Variants in SOD2 observed in about 807,000 individuals in gnomAD.
The protein encoded by SOD2 is superoxide dismutase 2.
In SOD2, 11 loss-of-function variants were observed where a neutral mutation model predicts 27.0. That is an observed-to-expected ratio of 0.41 (90% CI 0.26 to 0.67). SOD2 has a LOEUF of 0.67. SOD2 is among the 30% of genes least tolerant of loss of function. The probability of loss-of-function intolerance (pLI) is 0.34; values close to 1 mark genes in which losing one functional copy is unlikely to be tolerated. For synonymous variants in SOD2, 105 were observed against 103.0 expected, an observed-to-expected ratio of 1.02 and a Z score of -0.12; for missense variants, 250 against 274.5, an observed-to-expected ratio of 0.91 and a Z score of 0.63.
chr6:159,692,469 C>G, intron 2 of SOD2, 192 bp downstream of exon 2: 1 of 1,441,224 alleles, frequency 6.9e-7, no homozygotes, highest in South Asian at 1.5e-5. Context: ...TGTGTTCAAA[C>G]CCATCGAGGC....
intron 1 of SOD2, chr6:159,713,677 T>C: frequency 3.2e-6 from 3 of 939,480 alleles, no homozygotes; most frequent in Admixed American, 3.7e-5. Context: ...TCGTTGGCAG[T>C]ATCAGGACTA....
chr6:159,742,314 C>T (rs1052530676), intron 1 of SOD2, among the ~76,000 whole-genome samples: 1 of 152,154 alleles, frequency 6.6e-6, no homozygotes, highest in African/African-American at 2.4e-5. Context: ...ATGAATGAGA[C>T]ACAGTCTCAG....
chr6:159,730,494 G>T (rs946919551), upstream of SOD2, among the ~76,000 whole-genome samples: 2 of 152,036 alleles, frequency 1.3e-5, no homozygotes, highest in Non-Finnish European at 2.9e-5. Flanking sequence ...ACATTCGTGT[G>T]GTGTGAAAGT....
chr6:159,729,876 C>G (rs1165183843), upstream of SOD2, among the ~76,000 whole-genome samples: 1 of 152,160 alleles, frequency 6.6e-6, no homozygotes, highest in East Asian at 1.9e-4. Flanking sequence ...AACTGAGTTA[C>G]CTAACTTTAT....
At chr6:159,740,684 GT>G (rs1030103788) in intron 1 of SOD2, among the ~76,000 whole-genome samples, 112 of 142,542 alleles carry the variant, frequency 7.9e-4, no homozygotes, top group East Asian at 5.7e-3. Context: ...TATTAGGAAG[GT>G]TTTTTTTTTT....
intron 1 of SOD2, among the ~76,000 whole-genome samples, chr6:159,750,842 A>G (rs569141380): frequency 0.012 from 797 of 63,986 alleles, 5 homozygotes; most frequent in African/African-American, 0.033. Flanking sequence ...GGCTCAGGCA[A>G]TCCCGTCTGG....
At chr6:159,759,399 C>T (rs149476386) in intron 1 of SOD2, among the ~76,000 whole-genome samples, 2,826 of 142,612 alleles carry the variant, frequency 0.02, 106 homozygotes, top group African/African-American at 0.067. Flanking sequence ...TGGCCGGGCG[C>T]GGTGGCTCAC....
At chr6:159,693,653 G>A (rs993789822), upstream of SOD2, among the ~76,000 whole-genome samples, 4 of 152,200 alleles carry the variant, frequency 2.6e-5, no homozygotes, top group Non-Finnish European at 1.5e-5. Context: ...TGGTTGCGCT[G>A]CCGGGGGGCC....
exon 1 of SOD2, chr6:159,761,704 A>C: frequency 2.7e-6 from 1 of 375,436 alleles, no homozygotes; most frequent in South Asian, 1.9e-5. Context: ...AGATTTTTTA[A>C]AAAAAAGCCC....
upstream of SOD2, chr6:159,727,814 C>A (rs1389812892): frequency 1.3e-5 from 10 of 770,818 alleles, no homozygotes; most frequent in Non-Finnish European, 1.6e-5. Flanking sequence ...AAAGGCCACA[C>A]GGGCCTGGTG....
chr6:159,682,740 C>A, intron 4 of SOD2, 102 bp from the exon 5 acceptor site: 1 of 1,131,572 alleles, frequency 8.8e-7, no homozygotes, highest in Non-Finnish European at 1.2e-6. Context: ...CAAAATTACC[C>A]TTTGTAACAA....
At chr6:159,693,542 G>A (rs538712272), upstream of SOD2, among the ~76,000 whole-genome samples, 1 of 152,324 alleles carries the variant, frequency 6.6e-6, no homozygotes, top group East Asian at 1.9e-4. Flanking sequence ...CTGCCCCCGT[G>A]GAGTTGGTAC....
At chr6:159,728,296 C>T (rs764723471), upstream of SOD2, among the ~76,000 whole-genome samples, 19 of 151,956 alleles carry the variant, frequency 1.3e-4, no homozygotes, top group Non-Finnish European at 2.2e-4. Context: ...TTTCATAAGT[C>T]TGTGTACACG....
chr6:159,755,760 C>CTTTTTTT (rs1779984995), intron 1 of SOD2: 6 of 283,704 alleles, frequency 2.1e-5, no homozygotes, highest in African/African-American at 1.0e-4. Context: ...TTTTTTTTTT[C>CTTTTTTT]TTTTCTTTTT....
upstream of SOD2, chr6:159,727,540 C>T (rs1292237688): frequency 1.0e-6 from 1 of 991,128 alleles, no homozygotes; most frequent in Non-Finnish European, 1.2e-6. Context: ...GCGAGACCCA[C>T]AAATAAAGGG....
At chr6:159,700,083 A>C (rs1777497601) in intron 1 of SOD2, among the ~76,000 whole-genome samples, 1 of 152,232 alleles carries the variant, frequency 6.6e-6, no homozygotes, top group South Asian at 2.1e-4. Flanking sequence ...TTCATGCTAA[A>C]GATATTTAGT....
chr6:159,726,631 TTTGA>T (rs1778181959), intron 1 of SOD2: 1 of 479,868 alleles, frequency 2.1e-6, no homozygotes, highest in Non-Finnish European at 3.4e-6. Context: ...GCAGGACCTC[TTTGA>T]TTGAGTTCAC....
chr6:159,755,178 G>A (rs1271548255), intron 1 of SOD2: 2 of 1,614,110 alleles, frequency 1.2e-6, no homozygotes, highest in Non-Finnish European at 1.7e-6. Context: ...AGTACCAGCA[G>A]GACTACAGCT....
intron 1 of SOD2, chr6:159,712,694 C>CAT (rs1267069582): frequency 1.2e-4 from 43 of 351,488 alleles, no homozygotes; most frequent in Non-Finnish European, 2.0e-4. Context: ...CACGACTCAG[C>CAT]TGCTCTGACC....
Sources: gnomAD v4.1 joint callset for allele counts (sites outside exome capture counted in the v4.1 genomes callset) on GRCh38, gnomAD v4.1.1 for gene constraint, MANE v1.5 for transcripts, NCBI Gene and HGNC (gene_info 2026-07-23, HGNC 2026-07-21) for gene names.